EYS: variants seen among roughly 807,000 people sequenced by gnomAD.
EYS encodes the protein EGF-like photoreceptor maintenance factor.
In EYS, 250 loss-of-function variants were observed where a neutral mutation model predicts 282.1. The ratio of observed to expected loss-of-function variants is 0.89; its 90% confidence interval spans 0.80 to 0.98. EYS has a LOEUF of 0.98. EYS is among the 50% of genes least tolerant of loss of function. The pLI, the probability that EYS is intolerant of heterozygous loss-of-function variation, is 0.00. For synonymous variants in EYS, 1,355 were observed against 1,282.9 expected (o/e 1.06, Z -1.20); for missense variants, 4,016 against 3,709.0 (o/e 1.08, Z -2.15).
At chr6:64,575,030 TA>T (rs1332737781) in intron 26 of EYS, among the ~76,000 whole-genome samples, 3 of 152,056 alleles carry the variant, frequency 2.0e-5, no homozygotes, top group Admixed American at 1.3e-4. Flanking sequence ...ATAGAGAAGA[TA>T]AAAATGCATC....
intron 35 of EYS, among the ~76,000 whole-genome samples, chr6:63,948,342 T>C (rs1765460182): frequency 6.6e-6 from 1 of 152,252 alleles, no homozygotes; most frequent in African/African-American, 2.4e-5. Context: ...CACTTATCTT[T>C]GCCTTTTGTG....
chr6:64,863,463 C>A (rs934823535), intron 19 of EYS, among the ~76,000 whole-genome samples: 2 of 151,708 alleles, frequency 1.3e-5, no homozygotes. Flanking sequence ...CACTTTTTTT[C>A]TTCACATACT....
At chr6:65,016,624 A>C (rs1772061705) in intron 13 of EYS, among the ~76,000 whole-genome samples, 1 of 152,206 alleles carries the variant, frequency 6.6e-6, no homozygotes, top group Non-Finnish European at 1.5e-5. Flanking sequence ...GAAATCCACT[A>C]TAAAGTTAAA....
Position 63,922,469 on chromosome 6 carries a change from A to G in EYS, c.7056-58111T>C, listed in dbSNP as rs183089244. Among the ~76,000 whole-genome samples, 379 of 152,272 alleles carry G rather than the reference A, an allele frequency of 2.5e-3. 2 individuals are homozygous for G. The highest frequency in any genetic ancestry group is 0.012 in the South Asian group (56 of 4,822). On this transcript the variant is annotated intron_variant, in intron 35 of 42. Transcript: ENST00000503581. ...TCCCAACTACTTGGGAGGCTGAGGC[A>G]GGAGAATCATGTGAACCTGGGAGGC...
intron 33 of EYS, among the ~76,000 whole-genome samples, chr6:64,029,402 C>T (rs908441287): frequency 6.6e-6 from 1 of 152,218 alleles, no homozygotes; most frequent in Non-Finnish European, 1.5e-5. Flanking sequence ...ATCTCACTGT[C>T]TGGACTACTT....
At chr6:64,528,198 A>T (rs1468782584) in intron 26 of EYS, among the ~76,000 whole-genome samples, 1 of 151,794 alleles carries the variant, frequency 6.6e-6, no homozygotes, top group African/African-American at 2.4e-5. Flanking sequence ...CCAGGTTTTC[A>T]CTTTTACCAC....
intron 22 of EYS, among the ~76,000 whole-genome samples, chr6:64,793,343 A>G (rs1774247771): frequency 6.6e-6 from 1 of 152,130 alleles, no homozygotes; most frequent in African/African-American, 2.4e-5. Context: ...TTTGATAGCT[A>G]AAGTCTCACA....
At chr6:65,158,346 G>C (rs1764776095) in intron 12 of EYS, among the ~76,000 whole-genome samples, 1 of 150,868 alleles carries the variant, frequency 6.6e-6, no homozygotes, top group South Asian at 2.1e-4. Context: ...ATTATGGAAT[G>C]TGTCAAAATA....
At chr6:64,840,542 G>A (rs1400991824) in intron 19 of EYS, among the ~76,000 whole-genome samples, 2 of 152,098 alleles carry the variant, frequency 1.3e-5, no homozygotes, top group East Asian at 1.9e-4. Flanking sequence ...CCAAGGGAAA[G>A]ATGGCAGAGG....
chr6:64,082,414 G>A lies in EYS; in HGVS notation c.6425-412C>T, dbSNP rs1428528588. On this transcript the variant is annotated intron_variant, in intron 31 of 42. Coordinates refer to ENST00000503581, the MANE Select transcript of EYS (RefSeq NM_001142800.2). Reference sequence around the variant, plus strand: ...ACATTGTAGGTATATATATTTATGGGTTTCATGAGATATTTTGATACAGGA... The same window carrying A: ...ACATTGTAGGTATATATATTTATGGATTTCATGAGATATTTTGATACAGGA... Among the ~76,000 whole-genome samples, 3 of 152,076 alleles carry A rather than the reference G, an allele frequency of 2.0e-5. No individual in the cohort carries two copies. In the East Asian group the frequency reaches 5.8e-4, roughly 29 times the overall value.
At chr6:64,903,317 C>T (rs1459052366) in intron 16 of EYS, among the ~76,000 whole-genome samples, 2 of 152,092 alleles carry the variant, frequency 1.3e-5, no homozygotes, top group Non-Finnish European at 2.9e-5. Context: ...TAAATAAGTG[C>T]AGCCACATTA....
intron 13 of EYS, among the ~76,000 whole-genome samples, chr6:65,014,815 G>A (rs554568903): frequency 6.6e-6 from 1 of 152,238 alleles, no homozygotes; most frequent in East Asian, 1.9e-4. Flanking sequence ...GGAAACCTGC[G>A]AGTGCTATCT....
At chr6:64,755,727 C>T (rs1013119398) in intron 22 of EYS, among the ~76,000 whole-genome samples, 2 of 151,964 alleles carry the variant, frequency 1.3e-5, no homozygotes, top group African/African-American at 4.8e-5. Context: ...GAATAATAGA[C>T]ACTGGGAACT....
rs563444764 is a variant in EYS at position 63,883,021 on chromosome 6, T to C, written c.7056-18663A>G. ...TAGTGTGATTTTACTCCCCAGCAGC[T>C]GAAGGCAATACTCTACAAAAAATTC... On this transcript the variant is annotated intron_variant, in intron 35 of 42. Coordinates refer to ENST00000503581, the MANE Select transcript of EYS (RefSeq NM_001142800.2). 5.3e-5 allele frequency among the ~76,000 whole-genome samples: 8 copies of C among 152,314 alleles called. No individual in the cohort carries two copies. The East Asian group carries it at 1.5e-3, about 29-fold the overall frequency.
chr6:63,809,499 T>C (rs1770986283), intron 36 of EYS, among the ~76,000 whole-genome samples: 3 of 152,340 alleles, frequency 2.0e-5, no homozygotes, highest in South Asian at 4.1e-4. Flanking sequence ...AGATACCATG[T>C]GTAAAGTCAT....
intron 36 of EYS, among the ~76,000 whole-genome samples, chr6:63,840,070 C>T (rs192466817): frequency 1.8e-3 from 241 of 135,972 alleles, no homozygotes; most frequent in African/African-American, 6.1e-3. Context: ...TTTTTTGAGA[C>T]GGAGTCTCGC....
At chr6:64,683,454 T>C (rs1031753345) in intron 22 of EYS, among the ~76,000 whole-genome samples, 8 of 152,282 alleles carry the variant, frequency 5.3e-5, no homozygotes, top group African/African-American at 1.9e-4. Flanking sequence ...TTGTATTATC[T>C]GAAATGAAAA....
At chr6:64,057,235 G>T (rs933203126) in intron 33 of EYS, among the ~76,000 whole-genome samples, 1 of 152,062 alleles carries the variant, frequency 6.6e-6, no homozygotes, top group African/African-American at 2.4e-5. Context: ...GAATAGTGTT[G>T]GGTGGAAAAG....
chr6:64,432,070 A>G (rs2150460529), intron 28 of EYS, among the ~76,000 whole-genome samples: 1 of 152,230 alleles, frequency 6.6e-6, no homozygotes. Flanking sequence ...ACATAAACAT[A>G]GCTGGTAAAT....
Sources: gnomAD v4.1 joint callset for allele counts (sites outside exome capture counted in the v4.1 genomes callset) on GRCh38, gnomAD v4.1.1 for gene constraint, MANE v1.5 for transcripts, NCBI Gene and HGNC (gene_info 2026-07-23, HGNC 2026-07-21) for gene names.